The following NEMP2 variants were observed in gnomAD, a reference collection of about 807,000 sequenced individuals.
NEMP2 encodes nuclear envelope integral membrane protein 2.
NEMP2 carries 53 observed loss-of-function variants against 54.2 expected under a neutral mutation model. That is an observed-to-expected ratio of 0.98 (90% confidence interval 0.78 to 1.23). NEMP2 has a LOEUF of 1.23. Among genes scored for constraint, NEMP2 ranks in the 50% most tolerant of loss-of-function variants. The pLI is 0.00. For synonymous variants in NEMP2, 197 were observed against 190.3 expected, an observed-to-expected ratio of 1.04 and a Z score of -0.29; for missense variants, 455 against 511.3, an observed-to-expected ratio of 0.89 and a Z score of 1.06.
At chr2:190,436,566 G>T in the NEMP2 span, 1,294 of 1,614,116 alleles carry the variant, frequency 8.0e-4, 7 homozygotes, top group African/African-American at 0.016. This position sits in a 1 kb window ranked among gnomAD's most constrained non-coding sequence, Gnocchi z 5.3. Flanking sequence ...TAACTATCCT[G>T]CCAACAAATT....
the NEMP2 span, among the ~76,000 whole-genome samples, chr2:190,569,630 T>C: frequency 6.6e-6 from 1 of 152,208 alleles, no homozygotes; most frequent in African/African-American, 2.4e-5. Flanking sequence ...TTCAATAGTA[T>C]AAACTCAATC....
At chr2:190,536,172 T>C (rs1691371622), upstream of NEMP2, among the ~76,000 whole-genome samples, 1 of 152,210 alleles carries the variant, frequency 6.6e-6, no homozygotes, top group Non-Finnish European at 1.5e-5. Flanking sequence ...TTTCCGGAGA[T>C]AACAAGAATG....
chr2:190,492,965 A>AT, the NEMP2 span, among the ~76,000 whole-genome samples: 5 of 152,178 alleles, frequency 3.3e-5, no homozygotes, highest in South Asian at 4.2e-4. The surrounding 1 kb of genome is among the most constrained non-coding windows in gnomAD (Gnocchi z 5.2). Context: ...ACAAAATACA[A>AT]TTAAAAAAAA....
the NEMP2 span, among the ~76,000 whole-genome samples, chr2:190,598,625 G>C: frequency 2.6e-5 from 4 of 152,156 alleles, no homozygotes; most frequent in East Asian, 7.7e-4. Flanking sequence ...ATACATTTTA[G>C]TGGAATAAGT....
the NEMP2 span, among the ~76,000 whole-genome samples, chr2:190,431,432 C>G: frequency 6.6e-5 from 10 of 152,238 alleles, no homozygotes; most frequent in African/African-American, 2.4e-4. This position sits in a 1 kb window ranked among gnomAD's most constrained non-coding sequence, Gnocchi z 4.4. Flanking sequence ...ACTGAGTGAA[C>G]GAGACTCCGT....
chr2:190,579,111 A>C, the NEMP2 span, among the ~76,000 whole-genome samples: 1 of 152,148 alleles, frequency 6.6e-6, no homozygotes. Flanking sequence ...AGAAATAAAT[A>C]CTTTCCAGTC....
the NEMP2 span, among the ~76,000 whole-genome samples, chr2:190,647,391 C>G: frequency 6.6e-6 from 1 of 152,160 alleles, no homozygotes; most frequent in Non-Finnish European, 1.5e-5. Context: ...TCCCTTGCTG[C>G]AACATAAAGA....
chr2:190,490,683 T>C, the NEMP2 span, among the ~76,000 whole-genome samples: 2 of 152,208 alleles, frequency 1.3e-5, no homozygotes, highest in African/African-American at 2.4e-5. The surrounding 1 kb of genome is among the most constrained non-coding windows in gnomAD (Gnocchi z 4.5). Context: ...AATATTAATA[T>C]GTAGATGAGA....
chr2:190,617,136 A>C, the NEMP2 span: 1 of 152,110 alleles, frequency 6.6e-6, no homozygotes, highest in Non-Finnish European at 1.5e-5. The surrounding 1 kb of genome is among the most constrained non-coding windows in gnomAD (Gnocchi z 5.0). Context: ...AAAAAAAAAA[A>C]AAGAATATTT....
chr2:190,551,083 CTTTT>C, the NEMP2 span, among the ~76,000 whole-genome samples: 3 of 140,238 alleles, frequency 2.1e-5, no homozygotes, highest in Non-Finnish European at 3.1e-5. Context: ...AGCCAATGGA[CTTTT>C]TTTTTTTTTT....
the NEMP2 span, among the ~76,000 whole-genome samples, chr2:190,597,717 G>A: frequency 8.6e-5 from 13 of 152,002 alleles, no homozygotes; most frequent in Admixed American, 7.9e-4. The surrounding 1 kb of genome is among the most constrained non-coding windows in gnomAD (Gnocchi z 4.7). Flanking sequence ...AAAAGAAACA[G>A]TGCCTCTGAT....
the NEMP2 span, chr2:190,464,972 A>C: frequency 2.4e-6 from 2 of 842,350 alleles, no homozygotes; most frequent in Non-Finnish European, 2.9e-6. Flanking sequence ...GTAGGGTCTC[A>C]CAACTAACTA....
At chr2:190,434,896 A>G in the NEMP2 span, among the ~76,000 whole-genome samples, 1 of 152,182 alleles carries the variant, frequency 6.6e-6, no homozygotes, top group South Asian at 2.1e-4. The surrounding 1 kb of genome is among the most constrained non-coding windows in gnomAD (Gnocchi z 4.3). Flanking sequence ...GCCAGCAAGC[A>G]TTATCACATG....
chr2:190,514,559 C>A lies in NEMP2; in HGVS notation c.847G>T (p.Val283Phe). 2 of 1,551,702 alleles carry A rather than the reference C, an allele frequency of 1.3e-6. No individual in the cohort carries two copies. The highest frequency in any genetic ancestry group is 1.7e-6 in the Non-Finnish European group (2 of 1,146,988). Reference sequence around the variant, plus strand: ...TGAGGCACGGCCACACCAGCATAGACCAGAACCAGGGAGAGGAGTCGCAGC... The same window carrying A: ...TGAGGCACGGCCACACCAGCATAGAACAGAACCAGGGAGAGGAGTCGCAGC... Reference protein sequence around the residue: ...WMLRLLSLVLVYAGVAVPQFA... With the variant: ...WMLRLLSLVLFYAGVAVPQFA... The change falls in exon 7 of 9, where the codon GTC becomes TTC. Residue 283 changes from valine to phenylalanine, a missense_variant. This residue lies in a region of NEMP2 where 294 missense variants were observed against 333.6 expected (regional missense o/e 0.88). Coordinates refer to ENST00000409150, the MANE Select transcript of NEMP2 (RefSeq NM_001142645.2). This position sits in a 1 kb window ranked among gnomAD's most constrained non-coding sequence, Gnocchi z 5.7.
chr2:190,546,980 T>C, the NEMP2 span, among the ~76,000 whole-genome samples: 1 of 152,314 alleles, frequency 6.6e-6, no homozygotes, highest in Admixed American at 6.5e-5. This position sits in a 1 kb window ranked among gnomAD's most constrained non-coding sequence, Gnocchi z 5.1. Context: ...AGGCCGTCCT[T>C]GCTGCTGACA....
At chr2:190,438,881 A>G in the NEMP2 span, among the ~76,000 whole-genome samples, 1 of 152,180 alleles carries the variant, frequency 6.6e-6, no homozygotes, top group African/African-American at 2.4e-5. This position sits in a 1 kb window ranked among gnomAD's most constrained non-coding sequence, Gnocchi z 5.2. Context: ...TCTTTAAGCA[A>G]TTGTGAGTAT....
At chr2:190,532,622 T>A (rs186373874) in intron 1 of NEMP2, among the ~76,000 whole-genome samples, 1 of 152,370 alleles carries the variant, frequency 6.6e-6, no homozygotes, top group East Asian at 1.9e-4. Context: ...TTGGTCTGAA[T>A]GTTCTCCATT....
At chr2:190,465,169 A>C in the NEMP2 span, among the ~76,000 whole-genome samples, 6 of 152,192 alleles carry the variant, frequency 3.9e-5, no homozygotes, top group African/African-American at 1.4e-4. This position sits in a 1 kb window ranked among gnomAD's most constrained non-coding sequence, Gnocchi z 4.6. Context: ...AGTTTGCTCA[A>C]ATACAGGATA....
the NEMP2 span, among the ~76,000 whole-genome samples, chr2:190,474,968 C>A: frequency 1.3e-5 from 2 of 152,230 alleles, no homozygotes; most frequent in Non-Finnish European, 2.9e-5. Flanking sequence ...ACAAAAATCA[C>A]ATGATTATCT....
Sources: allele counts gnomAD v4.1 joint callset (sites outside exome capture counted in the v4.1 genomes callset), GRCh38; gene constraint gnomAD v4.1.1; regional missense constraint gnomAD v4.1.1; non-coding constraint Gnocchi (gnomAD v3.1); transcripts MANE v1.5; gene names NCBI Gene and HGNC (gene_info 2026-07-23, HGNC 2026-07-21).